Variants in TRPC4 observed in about 807,000 individuals in gnomAD.
TRPC4 encodes short transient receptor potential channel 4.
A neutral mutation model predicts 99.4 loss-of-function variants in TRPC4; 49 were observed. That is an observed-to-expected ratio of 0.49 (90% confidence interval 0.39 to 0.63). The LOEUF (loss-of-function observed/expected upper bound fraction) is 0.63, where lower values mean the gene tolerates loss of function less well. Ranked by LOEUF, TRPC4 falls within the 20% of genes least tolerant of loss-of-function variation. TRPC4 has a pLI of 0.00. For synonymous variants in TRPC4, 454 were observed against 425.9 expected (o/e 1.07, Z -0.81); for missense variants, 898 against 1,152.9 (o/e 0.78, Z 3.20).
In TRPC4 at chr13:37,810,573, T is replaced by C. The variant is rs554830365; in HGVS notation, c.-27-27213A>G. Reference sequence around the variant, plus strand: ...AGTTCACTCTTGTTAAACACAAATATATATGTTGCTCCATAAGACAACTTT... The same window carrying C: ...AGTTCACTCTTGTTAAACACAAATACATATGTTGCTCCATAAGACAACTTT... On this transcript the variant is annotated intron_variant, in intron 1 of 10. Transcript: ENST00000379705. 4.1e-4 allele frequency among the ~76,000 whole-genome samples: 63 copies of C among 152,186 alleles called. No homozygotes were observed. In the Middle Eastern group the frequency reaches 0.01, roughly 25 times the overall value.
chr13:37,794,333 C>T (rs141910462), intron 1 of TRPC4, among the ~76,000 whole-genome samples: 303 of 152,066 alleles, frequency 2.0e-3, no homozygotes, highest in African/African-American at 6.7e-3. Flanking sequence ...AAAGTCTCTC[C>T]GATTTAAAAG....
intron 3 of TRPC4, among the ~76,000 whole-genome samples, chr13:37,741,535 T>C (rs1236647224): frequency 2.6e-5 from 4 of 152,194 alleles, no homozygotes; most frequent in African/African-American, 9.6e-5. Context: ...ACCTTAAACC[T>C]GTCCCATCGC....
intron 8 of TRPC4, among the ~76,000 whole-genome samples, chr13:37,646,360 AT>A (rs201029366): frequency 3.3e-5 from 5 of 151,630 alleles, no homozygotes; most frequent in Admixed American, 6.6e-5. Flanking sequence ...AAGAACTAGT[AT>A]TTTTTTTTGG....
chr13:37,759,003 T>C (rs1200487758), intron 2 of TRPC4, among the ~76,000 whole-genome samples: 6 of 151,790 alleles, frequency 4.0e-5, no homozygotes, highest in African/African-American at 1.4e-4. Flanking sequence ...AACATTGTTA[T>C]ATTAATTGAT....
intron 3 of TRPC4, among the ~76,000 whole-genome samples, chr13:37,714,844 T>C (rs1045523916): frequency 1.3e-5 from 2 of 152,188 alleles, no homozygotes; most frequent in Admixed American, 6.5e-5. Flanking sequence ...AAGACTGCAC[T>C]AGTACTTTAA....
chr13:37,782,820 A>G, intron 2 of TRPC4, 136 bp downstream of exon 2: 1 of 849,510 alleles, frequency 1.2e-6, no homozygotes, highest in Non-Finnish European at 1.7e-6. Context: ...CTGTTATAAT[A>G]TAGTTCAGAT....
intron 6 of TRPC4, among the ~76,000 whole-genome samples, chr13:37,659,452 T>G (rs578025370): frequency 2.0e-5 from 3 of 152,276 alleles, no homozygotes; most frequent in Admixed American, 1.3e-4. Context: ...TAAACCTCTT[T>G]TCTTTATAAA....
intron 3 of TRPC4, among the ~76,000 whole-genome samples, chr13:37,719,640 T>C (rs554412779): frequency 8.5e-5 from 13 of 152,276 alleles, no homozygotes; most frequent in African/African-American, 2.9e-4. Context: ...AATGTATATG[T>C]CAACTACAGC....
chr13:37,755,890 CA>C (rs1401230465), intron 2 of TRPC4, among the ~76,000 whole-genome samples: 3 of 151,882 alleles, frequency 2.0e-5, no homozygotes, highest in African/African-American at 7.3e-5. Flanking sequence ...TCAAGGGCTT[CA>C]ATAAAAATGT....
chr13:37,657,624 T>C (rs1466201231), intron 6 of TRPC4, among the ~76,000 whole-genome samples: 5 of 152,194 alleles, frequency 3.3e-5, no homozygotes, highest in Admixed American at 2.0e-4. Flanking sequence ...AGTTATACAA[T>C]ATATAGTGTA....
intron 1 of TRPC4, among the ~76,000 whole-genome samples, chr13:37,798,320 C>T (rs1957308581): frequency 1.3e-5 from 2 of 152,074 alleles, no homozygotes; most frequent in African/African-American, 4.8e-5. Flanking sequence ...TCTTGATGAT[C>T]CAGCTGCCTT....
chr13:37,840,816 A>T (rs1317306393), intron 1 of TRPC4, among the ~76,000 whole-genome samples: 1 of 152,044 alleles, frequency 6.6e-6, no homozygotes, highest in African/African-American at 2.4e-5. Context: ...TGAGTCTATC[A>T]TCGGAAAACA....
chr13:37,799,138 G>C (rs1957331187), intron 1 of TRPC4, among the ~76,000 whole-genome samples: 1 of 151,920 alleles, frequency 6.6e-6, no homozygotes, highest in South Asian at 2.1e-4. Context: ...GTTTCACTGT[G>C]CTAGCCAGGT....
At chr13:37,823,236 A>G (rs1429523780) in intron 1 of TRPC4, among the ~76,000 whole-genome samples, 2 of 148,348 alleles carry the variant, frequency 1.3e-5, no homozygotes, top group Non-Finnish European at 3.0e-5. Flanking sequence ...GTTCACTCTG[A>G]TGGTAGTTTC....
intron 8 of TRPC4, among the ~76,000 whole-genome samples, chr13:37,641,479 A>G (rs1951712815): frequency 1.3e-5 from 2 of 152,202 alleles, no homozygotes; most frequent in South Asian, 2.1e-4. Flanking sequence ...TTCTAGCTAG[A>G]AAAAAAGAAT....
intron 8 of TRPC4, among the ~76,000 whole-genome samples, chr13:37,645,151 T>C (rs1057048951): frequency 5.3e-5 from 8 of 152,006 alleles, no homozygotes; most frequent in African/African-American, 1.9e-4. Context: ...GATGAGGGCA[T>C]ACCTGTTGCC....
intron 3 of TRPC4, among the ~76,000 whole-genome samples, chr13:37,708,959 A>T (rs973860006): frequency 6.6e-6 from 1 of 151,948 alleles, no homozygotes; most frequent in African/African-American, 2.4e-5. Flanking sequence ...TGAGATTTAC[A>T]TACTCTCTTT....
intron 1 of TRPC4, among the ~76,000 whole-genome samples, chr13:37,837,770 G>T (rs906433012): frequency 1.3e-5 from 2 of 152,148 alleles, no homozygotes; most frequent in South Asian, 4.1e-4. Flanking sequence ...AGGCATGATT[G>T]GTTTTGAAAT....
chr13:37,839,846 A>G (rs1203276245), intron 1 of TRPC4, among the ~76,000 whole-genome samples: 1 of 152,204 alleles, frequency 6.6e-6, no homozygotes, highest in Admixed American at 6.5e-5. Context: ...TGTCTGTCAC[A>G]GAAAAATTAT....
Sources: allele counts gnomAD v4.1 joint callset (sites outside exome capture counted in the v4.1 genomes callset), GRCh38; gene constraint gnomAD v4.1.1; transcripts MANE v1.5; gene names NCBI Gene and HGNC (gene_info 2026-07-23, HGNC 2026-07-21).